TBRG4: variants seen among roughly 807,000 people sequenced by gnomAD.
TBRG4 encodes the protein transforming growth factor beta regulator 4.
Under a neutral mutation model 65.6 loss-of-function variants are expected in TBRG4, and 43 were observed. The observed-to-expected ratio is 0.66, with a 90% confidence interval of 0.51 to 0.85. The LOEUF (loss-of-function observed/expected upper bound fraction) is 0.85. TBRG4 is among the 40% of genes least tolerant of loss of function. The pLI is 0.00. For synonymous variants in TBRG4, 366 were observed against 341.4 expected (o/e 1.07, Z -0.79); for missense variants, 709 against 787.9 (o/e 0.90, Z 1.20).
Position 45,104,664 on chromosome 7 carries a change from C to G in TBRG4, c.781G>C (p.Val261Leu). The change falls in exon 4 of 11, where the codon GTG becomes CTG. Residue 261 changes from valine (V) to leucine (L), a missense_variant. Coordinates refer to ENST00000258770, the MANE Select transcript of TBRG4 (RefSeq NM_004749.4). ...CTCTGAGCTGCCAGCATCACCAGCACCTTCCGCAGCTCATTGGGGCCAAAG... is the reference window on the plus strand; with the variant it reads ...CTCTGAGCTGCCAGCATCACCAGCAGCTTCCGCAGCTCATTGGGGCCAAAG... ...EHFGPNELRK[V>L]LVMLAAQSRR... The G allele has an allele frequency of 6.2e-7, 1 of 1,613,994 alleles. No homozygotes were observed. Among genetic ancestry groups the G allele is most frequent in the Non-Finnish European group, 8.5e-7 (1 of 1,180,042 alleles).
chr7:45,102,713 ACAG>A (rs1584026099), intron 6 of TBRG4: 1 of 592,678 alleles, frequency 1.7e-6, no homozygotes, highest in Non-Finnish European at 2.9e-6. Context: ...ACCACTCTGA[ACAG>A]CAGAAGAGTG....
In TBRG4 at chr7:45,103,264, AGGAC is replaced by A. The variant is rs992087042; in HGVS notation, c.1176+65_1176+68del. On this transcript the variant is annotated intron_variant, in intron 6 of 10. Coordinates refer to ENST00000258770, the MANE Select transcript of TBRG4 (RefSeq NM_004749.4). ...CCACCTAGCCCGAGCTGATCTTGGG[AGGAC>A]GGTTCATGAGCCATTAGCTGAAGGG... is the stretch of plus-strand genomic sequence containing the variant. 11 of 1,301,004 alleles carry A rather than the reference AGGAC, an allele frequency of 8.5e-6. No individual in the cohort carries two copies. The African/African-American group carries it at 1.2e-4, about 14-fold the overall frequency. The allele number at this position is 1,301,004 out of a possible 1,614,324, so 80.6% of individuals were successfully genotyped here. A position where few individuals can be genotyped will look rare whatever the true frequency, so the allele number is the denominator to read the frequency against.
chr7:45,107,155 CCAG>C (rs200507996), intron 2 of TBRG4: 2,033 of 152,324 alleles, frequency 0.013, 21 homozygotes, highest in Non-Finnish European at 0.02. Flanking sequence ...GCTGCTGCTA[CCAG>C]CAGCACCTCT....
rs751369063 is a variant in TBRG4, at chr7:45,109,141, A to G, written c.97T>C (p.Trp33Arg). Residue 33 changes from tryptophan to arginine, a missense_variant, in exon 2 of 11, where the codon TGG becomes CGG. Trp to Arg is a moderately radical substitution (Grantham distance 101). Coordinates refer to ENST00000258770, the MANE Select transcript of TBRG4 (RefSeq NM_004749.4). ...GAAGTCAGAGTCTTATGGGCTACCC[A>G]GGCAAGTCTCAGTCGGCCAACTGGA... is the stretch of plus-strand genomic sequence containing the variant. ...MAPVGRLRLA[W>R]VAHKTLTSSA... 7 of 1,614,086 alleles carry G rather than the reference A, an allele frequency of 4.3e-6. No individual in the cohort carries two copies. The Admixed American group carries it at 5.0e-5, about 12-fold the overall frequency.
intron 6 of TBRG4, chr7:45,102,930 C>A (rs1470506014): frequency 3.2e-6 from 1 of 315,590 alleles, no homozygotes; most frequent in South Asian, 3.8e-5. Flanking sequence ...GCCAGACAAA[C>A]CCCTGATGGA....
At chr7:45,109,478 T>C (rs114454087) in intron 1 of TBRG4, among the ~76,000 whole-genome samples, 191 bp from the exon 2 acceptor site, 251 of 152,330 alleles carry the variant, frequency 1.6e-3, no homozygotes, top group African/African-American at 5.9e-3. Context: ...CAGAATGCCA[T>C]CAAATATCAA....
chr7:45,105,288 G>T, intron 3 of TBRG4, 153 bp downstream of exon 3: 2 of 841,782 alleles, frequency 2.4e-6, no homozygotes, highest in Non-Finnish European at 3.6e-6. Context: ...CTCTGGTCCT[G>T]CCCCATGTGA....
At chr7:45,102,834 A>G in intron 6 of TBRG4, 1 of 362,478 alleles carries the variant, frequency 2.8e-6, no homozygotes, top group Non-Finnish European at 5.0e-6. Flanking sequence ...ACAAGGAAGG[A>G]GGAATCTCTG....
At chr7:45,101,765 G>C (rs1056763299) in intron 8 of TBRG4, 60 bp downstream of exon 8, 3 of 1,598,636 alleles carry the variant, frequency 1.9e-6, no homozygotes, top group South Asian at 2.2e-5. Context: ...GGGTGGGTTA[G>C]AAGAGTCCCG....
chr7:45,109,355 G>A, intron 1 of TBRG4, 68 bp from the exon 2 acceptor site: 1 of 1,311,090 alleles, frequency 7.6e-7, no homozygotes, highest in Middle Eastern at 2.8e-4. Flanking sequence ...CTTGAGAAAT[G>A]AAATAGTCAA....
chr7:45,102,043 G>C lies in TBRG4; in HGVS notation c.1349C>G (p.Thr450Ser). ...GTTGATGTGGAGCAGCTTCTGGAAG[G>C]TGTTCTGATCCTTCTGAGACTTGCC... ...LGGKSQKDQN[T>S]FQKLLHINAT... is the part of the protein sequence containing the mutation. The change falls in exon 8 of 11, where the codon ACC becomes AGC. Residue 450 changes from threonine (T) to serine (S), a missense_variant. Transcript: ENST00000258770. 3.2e-6 allele frequency: 5 copies of C among 1,567,694 alleles called. No homozygotes were observed. Among genetic ancestry groups the C allele is most frequent in the Non-Finnish European group, 4.3e-6 (5 of 1,162,866 alleles).
chr7:45,103,000 T>C (rs1784815933), intron 6 of TBRG4: 5 of 399,566 alleles, frequency 1.3e-5, no homozygotes, highest in African/African-American at 6.1e-5. Flanking sequence ...CCTAAGGTCT[T>C]CATAAAGAAG....
rs1784864590 is a variant in TBRG4, at chr7:45,104,270, C to A, written c.908-14G>T. ...AGCTGAGTTTGCCTTCAGGACAGAG[C>A]AGATCACAGGGTTTAGCTGGAGAGA... On this transcript the variant is annotated splice_polypyrimidine_tract_variant and intron_variant, in intron 4 of 10. Coordinates refer to ENST00000258770, the MANE Select transcript of TBRG4 (RefSeq NM_004749.4). 1 of 1,613,220 alleles carries A rather than the reference C, an allele frequency of 6.2e-7. No individual in the cohort carries two copies. The highest frequency in any genetic ancestry group is 1.3e-5 in the African/African-American group (1 of 74,946).
chr7:45,103,535 A>G, intron 5 of TBRG4, 92 bp from the exon 6 acceptor site: 3 of 1,025,740 alleles, frequency 2.9e-6, no homozygotes, highest in Admixed American at 2.0e-5. Context: ...GAGAGCCTGC[A>G]TGGCCAGGGG....
chr7:45,105,468 C>T lies in TBRG4; in HGVS notation c.708G>A (p.Glu236=), dbSNP rs148785485. ...TGTCTTCCAGGCGGTTCATTAGTGG[C>T]TCCGAGAGGTGTCCCACCTTCATCA... ...TVMMKVGHLS[E]PLMNRLEDKC... is the part of the protein sequence containing the mutation. Residue 236 remains glutamate (E), a synonymous_variant, in exon 3 of 11, where the codon GAG becomes GAA. Coordinates refer to ENST00000258770, the MANE Select transcript of TBRG4 (RefSeq NM_004749.4). 1.8e-4 allele frequency: 292 copies of T among 1,610,176 alleles called. 1 individual carries two copies. The highest frequency in any genetic ancestry group is 1.5e-3 in the Middle Eastern group (9 of 6,054).
At position 45,100,274 on chromosome 7, in the gene TBRG4, C is replaced by G; in HGVS notation, c.*51G>C. ...TCAAGGGTGACCCTTCTTGGCCGCC[C>G]ACAGCTAGACCTCCGGCGGAGAGGC... On this transcript the variant is annotated 3_prime_UTR_variant, in exon 11 of 11. Coordinates refer to ENST00000258770, the MANE Select transcript of TBRG4 (RefSeq NM_004749.4). 6.5e-7 allele frequency: 1 copy of G among 1,540,002 alleles called. No individual in the cohort carries two copies. Among genetic ancestry groups the G allele is most frequent in the Non-Finnish European group, 8.9e-7 (1 of 1,121,856 alleles).
In TBRG4 at chr7:45,104,653, C is replaced by A; in HGVS notation, c.792G>T (p.Met264Ile). ...CGGACCGCCGGCTCTGAGCTGCCAG[C>A]ATCACCAGCACCTTCCGCAGCTCAT... ...GPNELRKVLV[M>I]LAAQSRRSVP... is the part of the protein sequence containing the mutation. Residue 264 changes from methionine to isoleucine, a missense_variant, in exon 4 of 11, where the codon ATG becomes ATT. Transcript: ENST00000258770. The A allele has an allele frequency of 6.2e-7, 1 of 1,613,958 alleles. No individual in the cohort carries two copies. The highest frequency in any genetic ancestry group is 8.5e-7 in the Non-Finnish European group (1 of 1,180,040).
Position 45,101,524 on chromosome 7 carries a change from G to A in TBRG4, c.1658C>T (p.Ser553Leu), listed in dbSNP as rs1375801347. 6.2e-7 allele frequency: 1 copy of A among 1,613,760 alleles called. No individual in the cohort carries two copies. Among genetic ancestry groups the A allele is most frequent in the Non-Finnish European group, 8.5e-7 (1 of 1,179,902 alleles). ...CTACCTCTTAGACCCTGGAGGTGGTGACTGGCTCCCAGTTGGCTGGGCAAG... is the reference window on the plus strand; with the variant it reads ...CTACCTCTTAGACCCTGGAGGTGGTAACTGGCTCCCAGTTGGCTGGGCAAG... ...PHLAQPTGSQSPPPGSKRLAF... is the reference protein window; with the variant it reads ...PHLAQPTGSQLPPPGSKRLAF... Residue 553 changes from serine (S) to leucine (L), a missense_variant, in exon 9 of 11, where the codon TCA becomes TTA. Ser to Leu is a moderately radical substitution (Grantham distance 145). Coordinates refer to ENST00000258770, the MANE Select transcript of TBRG4 (RefSeq NM_004749.4).
chr7:45,103,840 G>A, intron 5 of TBRG4: 1 of 563,994 alleles, frequency 1.8e-6, no homozygotes, highest in South Asian at 2.3e-5. Context: ...CATCAGCCAT[G>A]CTGCTACCTG....
Sources: gnomAD v4.1 joint callset for allele counts (sites outside exome capture counted in the v4.1 genomes callset) on GRCh38, gnomAD v4.1.1 for gene constraint, MANE v1.5 for transcripts, NCBI Gene and HGNC (gene_info 2026-07-23, HGNC 2026-07-21) for gene names.